Variants in DTD1 observed in about 807,000 individuals in gnomAD.
DTD1 encodes D-aminoacyl-tRNA deacylase 1, also known as D-tyrosyl-tRNA deacylase 1 homolog.
DTD1 carries 13 observed loss-of-function variants against 25.6 expected under a neutral mutation model. The ratio of observed to expected loss-of-function variants is 0.51; its 90% CI spans 0.33 to 0.81. The LOEUF is 0.81. DTD1 is among the 30% of genes least tolerant of loss of function. The pLI is 0.02. For missense variants in DTD1, 193 were observed against 266.4 expected (o/e 0.72, Z 1.92); for synonymous variants, 110 against 103.6 (o/e 1.06, Z -0.37).
intron 3 of DTD1, among the ~76,000 whole-genome samples, chr20:18,609,890 C>T (rs1291917330): frequency 6.6e-6 from 1 of 152,200 alleles, no homozygotes; most frequent in Non-Finnish European, 1.5e-5. Flanking sequence ...CCACTGGGAT[C>T]CTCCAAAGTG....
At chr20:18,661,605 TC>T (rs1169291875) in intron 4 of DTD1, among the ~76,000 whole-genome samples, 1 of 152,152 alleles carries the variant, frequency 6.6e-6, no homozygotes, top group African/African-American at 2.4e-5. Flanking sequence ...TCTCCTGACC[TC>T]GTGATCTGCC....
chr20:18,719,117 A>T (rs1410405756), intron 4 of DTD1, among the ~76,000 whole-genome samples: 2 of 152,240 alleles, frequency 1.3e-5, no homozygotes, highest in Non-Finnish European at 2.9e-5. Flanking sequence ...ACCAGGATAT[A>T]ACCTCATCCT....
At chr20:18,613,449 G>T in intron 3 of DTD1, among the ~76,000 whole-genome samples, 1 of 152,192 alleles carries the variant, frequency 6.6e-6, no homozygotes, top group East Asian at 1.9e-4. Flanking sequence ...CCTGTGGCTG[G>T]GTTGGAAGGC....
chr20:18,633,709 C>T (rs1332493586), intron 4 of DTD1, among the ~76,000 whole-genome samples: 1 of 152,138 alleles, frequency 6.6e-6, no homozygotes, highest in African/African-American at 2.4e-5. Flanking sequence ...AGAAGGGATT[C>T]CCAATTATTG....
At chr20:18,719,223 C>CTG (rs1330643620) in intron 4 of DTD1, among the ~76,000 whole-genome samples, 31 of 149,258 alleles carry the variant, frequency 2.1e-4, no homozygotes, top group Admixed American at 2.7e-4. Flanking sequence ...GTGTATATTT[C>CTG]TGTGTGTGTG....
At chr20:18,724,239 A>T (rs1660308012) in intron 4 of DTD1, among the ~76,000 whole-genome samples, 1 of 152,140 alleles carries the variant, frequency 6.6e-6, no homozygotes, top group Non-Finnish European at 1.5e-5. Flanking sequence ...AGAACAATCC[A>T]CTAAAGAGGA....
chr20:18,708,304 ATATT>A lies in DTD1; in HGVS notation c.478-35794_478-35791del, dbSNP rs1429598173. Among the ~76,000 whole-genome samples, 49 of 55,672 alleles carry A rather than the reference ATATT, an allele frequency of 8.8e-4. 4 individuals are homozygous for A. Among genetic ancestry groups the A allele is most frequent in the Non-Finnish European group, 1.4e-3 (41 of 29,582 alleles). 36.5% of individuals were successfully genotyped at this position (55,672 alleles called of 152,430 possible). On this transcript the variant is annotated intron_variant, in intron 4 of 5. Transcript: ENST00000377452. ...TATATATTATATATATATAATATAT[ATATT>A]TTATATATATATTATATATATATAT... is the stretch of plus-strand genomic sequence containing the variant.
intron 4 of DTD1, among the ~76,000 whole-genome samples, chr20:18,728,698 A>C (rs935365371): frequency 6.6e-6 from 1 of 152,114 alleles, no homozygotes; most frequent in Non-Finnish European, 1.5e-5. Flanking sequence ...TAGGAAACTC[A>C]CAAGAGCAGC....
At chr20:18,676,768 C>T (rs1568665829) in intron 4 of DTD1, among the ~76,000 whole-genome samples, 1 of 152,206 alleles carries the variant, frequency 6.6e-6, no homozygotes, top group African/African-American at 2.4e-5. Context: ...CTGTTCTCAG[C>T]TCTGCCGCTG....
At chr20:18,680,045 A>C (rs1241942296) in intron 4 of DTD1, among the ~76,000 whole-genome samples, 1 of 152,170 alleles carries the variant, frequency 6.6e-6, no homozygotes, top group Non-Finnish European at 1.5e-5. Flanking sequence ...GGTGTTGTAG[A>C]GACTATAGAC....
At chr20:18,640,299 G>A (rs1313976146) in intron 4 of DTD1, among the ~76,000 whole-genome samples, 2 of 151,832 alleles carry the variant, frequency 1.3e-5, no homozygotes, top group Non-Finnish European at 2.9e-5. Flanking sequence ...CCATAAAATA[G>A]CATTTTTATA....
At chr20:18,674,513 T>C (rs923796091) in intron 4 of DTD1, 1 of 152,234 alleles carries the variant, frequency 6.6e-6, no homozygotes, top group Non-Finnish European at 1.5e-5. Flanking sequence ...AGAGTTACTT[T>C]GTGGAGGGTC....
chr20:18,741,295 G>A (rs1213366038), intron 4 of DTD1, among the ~76,000 whole-genome samples: 1 of 152,074 alleles, frequency 6.6e-6, no homozygotes, highest in Non-Finnish European at 1.5e-5. Flanking sequence ...CCAGAATGAA[G>A]TCAGCTACAC....
intron 3 of DTD1, among the ~76,000 whole-genome samples, chr20:18,615,010 G>A (rs1283641028): frequency 6.6e-6 from 1 of 152,146 alleles, no homozygotes; most frequent in Admixed American, 6.5e-5. Flanking sequence ...TCTCAGGGCA[G>A]TTGGCTTCAT....
chr20:18,658,855 A>T (rs1290036388), intron 4 of DTD1, among the ~76,000 whole-genome samples: 1 of 152,178 alleles, frequency 6.6e-6, no homozygotes, highest in African/African-American at 2.4e-5. Flanking sequence ...AGTTGGTGTG[A>T]CTGTGGTGCA....
At chr20:18,708,686 C>T (rs2061146114) in intron 4 of DTD1, among the ~76,000 whole-genome samples, 1 of 151,854 alleles carries the variant, frequency 6.6e-6, no homozygotes, top group African/African-American at 2.4e-5. Flanking sequence ...CTAAACACTC[C>T]CATTTTTATA....
chr20:18,679,328 C>T (rs976017290), intron 4 of DTD1, among the ~76,000 whole-genome samples: 2 of 152,138 alleles, frequency 1.3e-5, no homozygotes, highest in African/African-American at 4.8e-5. Context: ...CCTCATAAAG[C>T]GCATGAACCT....
At chr20:18,722,827 A>ACAG (rs2061209545) in intron 4 of DTD1, among the ~76,000 whole-genome samples, 1 of 152,218 alleles carries the variant, frequency 6.6e-6, no homozygotes, top group Admixed American at 6.5e-5. Flanking sequence ...TCATTCAGAT[A>ACAG]CAGCAGATTT....
intron 4 of DTD1, among the ~76,000 whole-genome samples, chr20:18,724,011 G>A (rs1406950): frequency 0.35 from 52,844 of 151,994 alleles, 9,513 homozygotes; most frequent in Non-Finnish European, 0.4. Context: ...CAGGCATTGC[G>A]TGGAGACACA....
Sources: allele counts gnomAD v4.1 joint callset (sites outside exome capture counted in the v4.1 genomes callset), GRCh38; gene constraint gnomAD v4.1.1; transcripts MANE v1.5; gene names NCBI Gene and HGNC (gene_info 2026-07-23, HGNC 2026-07-21).